PDILT: variants seen among roughly 807,000 people sequenced by gnomAD.
PDILT encodes protein disulfide isomerase like, testis expressed, also known as protein disulfide-isomerase-like protein of the testis.
Under a neutral mutation model 53.7 loss-of-function variants are expected in PDILT, and 43 were observed. The ratio of observed to expected loss-of-function variants is 0.80; its 90% CI spans 0.63 to 1.03. The LOEUF is 1.03. Ranked by LOEUF, PDILT falls within the 50% of genes least tolerant of loss-of-function variation. PDILT has a pLI of 0.00. For missense variants in PDILT, 727 were observed against 712.3 expected (o/e 1.02, Z -0.24); for synonymous variants, 282 against 274.2 (o/e 1.03, Z -0.28).
At chr16:20,400,070 A>AT (rs1186213740) in intron 1 of PDILT, among the ~76,000 whole-genome samples, 40 of 126,706 alleles carry the variant, frequency 3.2e-4, no homozygotes, top group African/African-American at 5.5e-4. Flanking sequence ...ATATATATAT[A>AT]TATTTTTTGA....
rs1343091947 is a variant in PDILT at position 20,360,717 on chromosome 16, A to T, written c.1417-60T>A. 4 of 1,283,776 alleles carry T rather than the reference A, an allele frequency of 3.1e-6. No individual in the cohort carries two copies. In the African/African-American group the frequency reaches 5.9e-5, roughly 19 times the overall value. The allele number at this position is 1,283,776 out of a possible 1,614,324, so 79.5% of individuals were successfully genotyped here. A position where few individuals can be genotyped will look rare whatever the true frequency, so the allele number is the denominator to read the frequency against. ...CCTCTTCCCGCAGAGATGCTCGAGG[A>T]TTGCTACCTAGGTAAACCCAGGGTC... is the stretch of plus-strand genomic sequence containing the variant. On this transcript the variant is annotated intron_variant, in intron 10 of 11. Coordinates refer to ENST00000302451, the MANE Select transcript of PDILT (RefSeq NM_174924.2).
At position 20,374,853 on chromosome 16, in the gene PDILT, A is replaced by G. The variant is rs1297436438; in HGVS notation, c.650T>C (p.Val217Ala). ...GAACACCAGGACGCTGTCAAGGGTG[A>G]CGTGGAAACGCCCAATGACATTGCC... Reference protein sequence around the residue: ...TIGNVIGRFHVTLDSVLVFKK... With the variant: ...TIGNVIGRFHATLDSVLVFKK... Residue 217 changes from valine to alanine, a missense_variant, in exon 5 of 12, where the codon GTC becomes GCC. Physicochemically the swap from Val to Ala is moderately conservative, Grantham distance 64. Coordinates refer to ENST00000302451, the MANE Select transcript of PDILT (RefSeq NM_174924.2). 6.2e-7 allele frequency: 1 copy of G among 1,614,032 alleles called. No homozygotes were observed. Among genetic ancestry groups the G allele is most frequent in the Admixed American group, 1.7e-5 (1 of 60,004 alleles).
intron 9 of PDILT, among the ~76,000 whole-genome samples, chr16:20,364,227 T>A (rs4280249): frequency 6.6e-6 from 1 of 152,082 alleles, no homozygotes; most frequent in African/African-American, 2.4e-5. Flanking sequence ...TGGGTGTGAC[T>A]TAAGTACAGA....
intron 3 of PDILT, among the ~76,000 whole-genome samples, chr16:20,379,871 T>A (rs902872395): frequency 1.3e-5 from 2 of 152,208 alleles, no homozygotes; most frequent in African/African-American, 4.8e-5. Context: ...CCACATCTGC[T>A]GTAATTCCCT....
At chr16:20,366,980 C>CTTTATTTATTTATTTATTTATTTAT (rs1321059258) in intron 8 of PDILT, among the ~76,000 whole-genome samples, 1 of 44,868 alleles carries the variant, frequency 2.2e-5, no homozygotes, top group African/African-American at 6.3e-5. Flanking sequence ...TCCTTCCTTC[C>CTTTATTTATTTATTTATTTATTTAT]TTCCTTCCTT....
chr16:20,389,254 T>C (rs1397849894), intron 2 of PDILT, among the ~76,000 whole-genome samples: 1 of 152,152 alleles, frequency 6.6e-6, no homozygotes, highest in Non-Finnish European at 1.5e-5. Context: ...TATGGTGGTT[T>C]ACTTTCCTTG....
intron 2 of PDILT, among the ~76,000 whole-genome samples, chr16:20,395,893 C>A (rs930892036): frequency 2.6e-5 from 4 of 152,200 alleles, no homozygotes; most frequent in African/African-American, 4.8e-5. Context: ...GCAGCTCGAA[C>A]CTTTCATCAG....
chr16:20,383,775 C>A (rs1596591392), intron 3 of PDILT, among the ~76,000 whole-genome samples: 1 of 152,156 alleles, frequency 6.6e-6, no homozygotes, highest in Admixed American at 6.5e-5. Context: ...CTGTTACAGG[C>A]ACTTCTGTGT....
intron 3 of PDILT, among the ~76,000 whole-genome samples, chr16:20,377,053 C>A (rs957781212): frequency 2.0e-5 from 3 of 152,086 alleles, no homozygotes; most frequent in Non-Finnish European, 4.4e-5. Context: ...GGGAGACTAA[C>A]GCAGGAGAAT....
chr16:20,369,490 A>G lies in PDILT; in HGVS notation c.1116+2T>C, dbSNP rs751589173. 23 of 1,613,184 alleles carry G rather than the reference A, an allele frequency of 1.4e-5. No individual in the cohort carries two copies. The highest frequency in any genetic ancestry group is 2.0e-5 in the Non-Finnish European group (23 of 1,179,094). On this transcript the variant is annotated splice_donor_variant, in intron 8 of 11. Transcript: ENST00000302451. LOFTEE classifies it high-confidence loss of function. ...ATAAACCTTGTCCAAGAAAAAACCTACTGTGGCATTTTTACTCAGGAAGCT... is the reference window on the plus strand; with the variant it reads ...ATAAACCTTGTCCAAGAAAAAACCTGCTGTGGCATTTTTACTCAGGAAGCT...
chr16:20,392,774 C>T (rs1021063465), intron 2 of PDILT, among the ~76,000 whole-genome samples: 6 of 152,140 alleles, frequency 3.9e-5, no homozygotes, highest in Admixed American at 6.6e-5. Flanking sequence ...TTGGTTGTGT[C>T]AAATGCAATT....
chr16:20,363,381 C>A (rs1209811098), intron 9 of PDILT, among the ~76,000 whole-genome samples: 1 of 151,924 alleles, frequency 6.6e-6, no homozygotes, highest in East Asian at 1.9e-4. Flanking sequence ...ACATAGTGTT[C>A]CACTCTAGTA....
intron 8 of PDILT, among the ~76,000 whole-genome samples, chr16:20,366,565 C>T (rs1966194319): frequency 6.6e-6 from 1 of 152,154 alleles, no homozygotes; most frequent in South Asian, 2.1e-4. Flanking sequence ...AGAGATTTTT[C>T]TTTCCTCGCC....
At chr16:20,386,389 T>C (rs1277690843) in intron 2 of PDILT, among the ~76,000 whole-genome samples, 25 of 152,082 alleles carry the variant, frequency 1.6e-4, no homozygotes, top group Admixed American at 1.6e-3. Flanking sequence ...AGCCAGAACA[T>C]TTTATCTTTT....
intron 2 of PDILT, among the ~76,000 whole-genome samples, chr16:20,397,475 C>G (rs1203006562): frequency 2.0e-5 from 3 of 152,114 alleles, no homozygotes; most frequent in Admixed American, 6.6e-5. Context: ...ATTTTACAGT[C>G]AAGTAAACAG....
rs1206049746 is a variant in PDILT at position 20,399,297 on chromosome 16, C to A, written c.4G>T (p.Asp2Tyr). The change falls in exon 2 of 12, where the codon GAC (aspartate) becomes TAC (tyrosine). Residue 2 changes from aspartate to tyrosine, a missense_variant. Physicochemically the swap from Asp to Tyr is radical, Grantham distance 160 (BLOSUM62 -3). Transcript: ENST00000302451. ...AGCAGCAGGGGCATCCAGAGTAGGT[C>A]CATGGCTGTCCTGCAGGGGCCGGAG... is the stretch of plus-strand genomic sequence containing the variant. M[D>Y]LLWMPLLLVA... 3.7e-6 allele frequency: 6 copies of A among 1,613,710 alleles called. No homozygotes were observed. In the African/African-American group the frequency reaches 8.0e-5, roughly 22 times the overall value.
chr16:20,400,072 A>ATATATT (rs753235349), intron 1 of PDILT, among the ~76,000 whole-genome samples: 9 of 137,430 alleles, frequency 6.5e-5, no homozygotes, highest in African/African-American at 2.6e-4. Flanking sequence ...ATATATATAT[A>ATATATT]TTTTTTGAGA....
At chr16:20,368,147 G>A (rs1966242639) in intron 8 of PDILT, among the ~76,000 whole-genome samples, 1 of 152,156 alleles carries the variant, frequency 6.6e-6, no homozygotes, top group Admixed American at 6.5e-5. Context: ...CGGGTTGTGG[G>A]CATGGGAGCA....
At chr16:20,369,353 G>A in intron 8 of PDILT, 139 bp downstream of exon 8, 3 of 946,718 alleles carry the variant, frequency 3.2e-6, no homozygotes, top group Admixed American at 2.0e-5. Context: ...GGAGATGGGG[G>A]ATTTCCCCAC....
Sources: gnomAD v4.1 joint callset for allele counts (sites outside exome capture counted in the v4.1 genomes callset) on GRCh38, gnomAD v4.1.1 for gene constraint, MANE v1.5 for transcripts, NCBI Gene and HGNC (gene_info 2026-07-23, HGNC 2026-07-21) for gene names.